Variants in LMTK2 observed in about 807,000 individuals in gnomAD.
LMTK2 encodes lemur tail kinase 2, also known as serine/threonine-protein kinase LMTK2.
LMTK2 carries 37 observed loss-of-function variants against 127.5 expected under a neutral mutation model. The ratio of observed to expected loss-of-function variants is 0.29; its 90% CI spans 0.22 to 0.38. The LOEUF (loss-of-function observed/expected upper bound fraction) is 0.38. LMTK2 is among the 10% of genes least tolerant of loss of function. The probability of loss-of-function intolerance (pLI) is 1.00; values close to 1 mark genes in which losing one functional copy is unlikely to be tolerated. For synonymous variants in LMTK2, 819 were observed against 810.1 expected, an observed-to-expected ratio of 1.01 and a Z score of -0.19; for missense variants, 1,694 against 1,920.3, an observed-to-expected ratio of 0.88 and a Z score of 2.20.
intron 3 of LMTK2, among the ~76,000 whole-genome samples, chr7:98,146,560 T>A (rs867241981): frequency 6.6e-6 from 1 of 152,196 alleles, no homozygotes; most frequent in Non-Finnish European, 1.5e-5. Context: ...TCTTAGTGAT[T>A]ATAATGATTA....
chr7:98,177,881 A>C (rs1482814516), intron 7 of LMTK2, among the ~76,000 whole-genome samples: 1 of 152,206 alleles, frequency 6.6e-6, no homozygotes, highest in Non-Finnish European at 1.5e-5. Context: ...GCTTTATCGG[A>C]ATCCTCTTGT....
In LMTK2 at chr7:98,205,539, C is replaced by T. The variant is rs1372283296; in HGVS notation, c.*47C>T. 1.9e-6 allele frequency: 3 copies of T among 1,602,836 alleles called. No homozygotes were observed. Among genetic ancestry groups the T allele is most frequent in the Admixed American group, 1.7e-5 (1 of 59,730 alleles). ...CGGGTCCGAGGCTGCTCCCCTGGAG[C>T]GGCGCCCCTGCGCCCTCAGCCCGAG... On this transcript the variant is annotated 3_prime_UTR_variant, in exon 14 of 14. Transcript: ENST00000297293.
chr7:98,173,977 A>T (rs1584280166), intron 7 of LMTK2, among the ~76,000 whole-genome samples: 1 of 152,098 alleles, frequency 6.6e-6, no homozygotes, highest in East Asian at 1.9e-4. Context: ...AATGGCGTGA[A>T]CCCGGGAGGT....
intron 6 of LMTK2, among the ~76,000 whole-genome samples, chr7:98,168,028 T>C (rs1797128783): frequency 6.6e-6 from 1 of 152,082 alleles, no homozygotes; most frequent in Non-Finnish European, 1.5e-5. Context: ...GGTCACTCCT[T>C]GATAGGCCTG....
chr7:98,126,963 C>T (rs148139514), intron 1 of LMTK2, among the ~76,000 whole-genome samples: 164 of 152,274 alleles, frequency 1.1e-3, no homozygotes, highest in African/African-American at 3.8e-3. Flanking sequence ...CATCAGTGCA[C>T]TCTTTACTGT....
In LMTK2 at chr7:98,191,707, C is replaced by G. The variant is rs749938589; in HGVS notation, c.1242C>G (p.Ser414Arg). The change falls in exon 11 of 14, where the codon AGC (serine) becomes AGG (arginine). Residue 414 changes from serine to arginine, a missense_variant. Coordinates refer to ENST00000297293, the MANE Select transcript of LMTK2 (RefSeq NM_014916.4). ...TGCTGACTTACCTGCGGCTGCAGAGCCAGCGGGACTCAGAGGTCGACTTTG... is the reference window on the plus strand; with the variant it reads ...TGCTGACTTACCTGCGGCTGCAGAGGCAGCGGGACTCAGAGGTCGACTTTG... ...HRLLTYLRLQ[S>R]QRDSEVDFEQ... The G allele has an allele frequency of 6.2e-7, 1 of 1,614,210 alleles. No homozygotes were observed. The highest frequency in any genetic ancestry group is 2.2e-5 in the East Asian group (1 of 44,884).
chr7:98,137,880 C>G (rs990551874), intron 2 of LMTK2, among the ~76,000 whole-genome samples: 1 of 152,184 alleles, frequency 6.6e-6, no homozygotes, highest in Non-Finnish European at 1.5e-5. Flanking sequence ...CCCCTCCACC[C>G]CGAAACTTCT....
chr7:98,176,488 C>T (rs187137257), intron 7 of LMTK2, among the ~76,000 whole-genome samples: 2 of 149,534 alleles, frequency 1.3e-5, no homozygotes, highest in Admixed American at 1.4e-4. Context: ...CTAATACAAA[C>T]ACAAACTATA....
chr7:98,158,006 CAG>C (rs563506902), intron 5 of LMTK2, among the ~76,000 whole-genome samples: 5 of 152,212 alleles, frequency 3.3e-5, no homozygotes, highest in Non-Finnish European at 5.9e-5. Flanking sequence ...ATGTAACCAA[CAG>C]GGGAAACTGG....
rs781413361 is a variant in LMTK2, at chr7:98,205,451, C to T, written c.4484-13C>T. On this transcript the variant is annotated splice_polypyrimidine_tract_variant and intron_variant, in intron 13 of 13. Transcript: ENST00000297293. ...ACCCAGCTTTGTCGTCTCGCTTCCT[C>T]TCTCCTCAACAGGAAGCAGCGAAGA... 1 of 1,613,778 alleles carries T rather than the reference C, an allele frequency of 6.2e-7. No homozygotes were observed.
chr7:98,135,907 C>G (rs375951269), intron 1 of LMTK2, among the ~76,000 whole-genome samples: 1 of 151,362 alleles, frequency 6.6e-6, no homozygotes, highest in African/African-American at 2.4e-5. Flanking sequence ...AGAAATCATT[C>G]TTTGCTGGAG....
At chr7:98,161,158 GTTC>G (rs1158717565) in intron 6 of LMTK2, among the ~76,000 whole-genome samples, 2 of 151,310 alleles carry the variant, frequency 1.3e-5, no homozygotes, top group Non-Finnish European at 3.0e-5. Flanking sequence ...CTTTTTTTCT[GTTC>G]TTCTTTGGGA....
intron 11 of LMTK2, among the ~76,000 whole-genome samples, chr7:98,195,474 T>TA (rs61553013): frequency 1.8e-3 from 253 of 143,992 alleles, no homozygotes; most frequent in African/African-American, 3.6e-3. Context: ...AAGCATGCTT[T>TA]AAAAAAAAAA....
At chr7:98,119,958 C>CT (rs35434700) in intron 1 of LMTK2, among the ~76,000 whole-genome samples, 3 of 151,848 alleles carry the variant, frequency 2.0e-5, no homozygotes, top group Non-Finnish European at 4.4e-5. Context: ...TTGATAGGTA[C>CT]TTTTTTTTAA....
Position 98,194,522 on chromosome 7 carries a change from A to G in LMTK2, c.4057A>G (p.Lys1353Glu). ...ACTGCCCGAGGACTGGAAGAAGGAAAAGAAGGCAGTCACGTTTTTCGATGA... is the reference window on the plus strand; with the variant it reads ...ACTGCCCGAGGACTGGAAGAAGGAAGAGAAGGCAGTCACGTTTTTCGATGA... Reference protein sequence around the residue: ...DPLPEDWKKEKKAVTFFDDVT... With the variant: ...DPLPEDWKKEEKAVTFFDDVT... The change falls in exon 11 of 14, where the codon AAG becomes GAG. Residue 1353 changes from lysine to glutamate, a missense_variant. Lys to Glu is a moderately conservative substitution (Grantham distance 56). Transcript: ENST00000297293. The surrounding 1 kb of genome is among the most constrained non-coding windows in gnomAD (Gnocchi z 5.4). 1 of 1,612,264 alleles carries G rather than the reference A, an allele frequency of 6.2e-7. No homozygotes were observed. The highest frequency in any genetic ancestry group is 8.5e-7 in the Non-Finnish European group (1 of 1,180,024).
rs577450220 is a variant in LMTK2, at chr7:98,166,032, C to G, written c.658-5509C>G. The stretch of plus-strand genomic sequence containing the variant: ...GCCCGGCCCTGTGCTGGGGCCCTGC[C>G]AATGGCCTTGGCCCTCCCCACGCCT... On this transcript the variant is annotated intron_variant, in intron 6 of 13. Transcript: ENST00000297293. Among the ~76,000 whole-genome samples, 72 of 152,368 alleles carry G rather than the reference C, an allele frequency of 4.7e-4. 2 individuals carry two copies. In the East Asian group the frequency reaches 7.9e-3, roughly 17 times the overall value.
chr7:98,188,975 G>A (rs1053677562), intron 9 of LMTK2, among the ~76,000 whole-genome samples: 1 of 152,050 alleles, frequency 6.6e-6, no homozygotes, highest in Non-Finnish European at 1.5e-5. Context: ...TCTCCCATAA[G>A]CCCTGAAGCC....
chr7:98,146,292 C>T (rs1796771629), intron 3 of LMTK2, among the ~76,000 whole-genome samples: 1 of 152,050 alleles, frequency 6.6e-6, no homozygotes, highest in African/African-American at 2.4e-5. Context: ...TTTTCAAAAT[C>T]CTTTTGCCTA....
rs775938285 is a variant in LMTK2, at chr7:98,137,373, T to G, written c.162T>G (p.Ser54Arg). 21 of 1,613,910 alleles carry G rather than the reference T, an allele frequency of 1.3e-5. No homozygotes were observed. Among genetic ancestry groups the G allele is most frequent in the Non-Finnish European group, 1.8e-5 (21 of 1,179,842 alleles). Residue 54 changes from serine to arginine, a missense_variant, in exon 2 of 14, where the codon AGT becomes AGG. Around this residue, in one of 8 missense-constraint regions of LMTK2, gnomAD observed 76 missense variants for 82.0 expected, o/e 0.93. Coordinates refer to ENST00000297293, the MANE Select transcript of LMTK2 (RefSeq NM_014916.4). Reference sequence around the variant, plus strand: ...CTTTTGTGATCCTGTGTGTGTGCAGTTTAATAATATTAATAGTGTTAATTG... The same window carrying G: ...CTTTTGTGATCCTGTGTGTGTGCAGGTTAATAATATTAATAGTGTTAATTG... The part of the protein sequence containing the change: ...SSSFVILCVC[S>R]LIILIVLIAN...
Sources: gnomAD v4.1 joint callset for allele counts (sites outside exome capture counted in the v4.1 genomes callset) on GRCh38, gnomAD v4.1.1 for gene constraint, gnomAD v4.1.1 regional missense constraint, Gnocchi (gnomAD v3.1) non-coding constraint, MANE v1.5 for transcripts, NCBI Gene and HGNC (gene_info 2026-07-23, HGNC 2026-07-21) for gene names.